The following LRP1B variants were observed in gnomAD, a reference collection of about 807,000 sequenced individuals.
LRP1B encodes LDL receptor related protein 1B, also known as low-density lipoprotein receptor-related protein 1B.
Under a neutral mutation model 556.6 loss-of-function variants are expected in LRP1B, and 217 were observed. That is an observed-to-expected ratio of 0.39 (90% CI 0.35 to 0.44). The LOEUF (loss-of-function observed/expected upper bound fraction) is 0.44. LRP1B is among the 20% of genes least tolerant of loss of function. The probability of loss-of-function intolerance (pLI) is 1.00; values close to 1 mark genes in which losing one functional copy is unlikely to be tolerated. For synonymous variants in LRP1B, 2,047 were observed against 1,865.8 expected, an observed-to-expected ratio of 1.10 and a Z score of -2.50; for missense variants, 5,053 against 5,620.8, an observed-to-expected ratio of 0.90 and a Z score of 3.23.
At chr2:140,709,426 G>A (rs1473596621) in intron 37 of LRP1B, among the ~76,000 whole-genome samples, 4 of 150,596 alleles carry the variant, frequency 2.7e-5, no homozygotes, top group African/African-American at 9.7e-5. Flanking sequence ...AGGCGGAAGA[G>A]GAGGAGGGGG....
chr2:141,773,688 GTTTAA>G (rs1694969893), intron 2 of LRP1B, among the ~76,000 whole-genome samples: 1 of 151,750 alleles, frequency 6.6e-6, no homozygotes. Context: ...GCCAGAGAGT[GTTTAA>G]TTGGAAGACT....
intron 57 of LRP1B, among the ~76,000 whole-genome samples, chr2:140,490,809 T>C (rs961646866): frequency 2.0e-5 from 3 of 152,086 alleles, no homozygotes; most frequent in Admixed American, 6.6e-5. Context: ...CCTTACTCAA[T>C]GGGCACCATT....
At chr2:142,124,662 AT>A (rs1707576182) in intron 1 of LRP1B, among the ~76,000 whole-genome samples, 1 of 151,854 alleles carries the variant, frequency 6.6e-6, no homozygotes. Flanking sequence ...CAGAATACTT[AT>A]TTATTTTCTA....
intron 39 of LRP1B, 100 bp from the exon 40 acceptor site, chr2:140,701,945 A>C: frequency 6.8e-7 from 1 of 1,465,324 alleles, no homozygotes; most frequent in Non-Finnish European, 9.4e-7. Flanking sequence ...CAGAAGGGAA[A>C]GAAACCAACT....
chr2:140,343,466 T>C (rs1045438867), intron 77 of LRP1B, among the ~76,000 whole-genome samples: 1 of 151,546 alleles, frequency 6.6e-6, no homozygotes, highest in African/African-American at 2.4e-5. Context: ...TTATTTGCAA[T>C]AACAAGACAA....
intron 23 of LRP1B, among the ~76,000 whole-genome samples, chr2:140,894,394 G>A (rs966549100): frequency 6.6e-6 from 1 of 152,100 alleles, no homozygotes. Context: ...CTGTGCTGTG[G>A]TGCAGATGCT....
intron 21 of LRP1B, among the ~76,000 whole-genome samples, chr2:140,921,882 C>G (rs11893327): frequency 0.49 from 74,180 of 150,960 alleles, 19,300 homozygotes; most frequent in Middle Eastern, 0.62. Context: ...CATCAGCCCC[C>G]GTGGCTTTCA....
intron 7 of LRP1B, among the ~76,000 whole-genome samples, chr2:141,172,478 A>G (rs905155313): frequency 2.6e-5 from 4 of 152,096 alleles, no homozygotes; most frequent in Non-Finnish European, 5.9e-5. Context: ...TTTACTCATA[A>G]TCTTACTGAC....
At chr2:141,939,591 C>T (rs975641132) in intron 1 of LRP1B, among the ~76,000 whole-genome samples, 1 of 151,906 alleles carries the variant, frequency 6.6e-6, no homozygotes, top group African/African-American at 2.4e-5. Context: ...TATACTAAAA[C>T]CAAAGTTAAT....
chr2:141,214,661 G>T (rs1682715356), intron 6 of LRP1B, among the ~76,000 whole-genome samples: 1 of 152,144 alleles, frequency 6.6e-6, no homozygotes, highest in Non-Finnish European at 1.5e-5. Flanking sequence ...TGGGTAGGAA[G>T]GTAGGGGAGA....
intron 3 of LRP1B, among the ~76,000 whole-genome samples, chr2:141,356,590 G>GTTTTTTTTTTTTTTTTTTTTT (rs1279270542): frequency 6.6e-6 from 1 of 151,496 alleles, no homozygotes; most frequent in Non-Finnish European, 1.5e-5. Flanking sequence ...TAACATGTAT[G>GTTTTTTTTTTTTTTTTTTTTT]TTTTTAAGAA....
At chr2:141,810,193 T>A in intron 2 of LRP1B, 86 bp downstream of exon 2, 1 of 1,187,138 alleles carries the variant, frequency 8.4e-7, no homozygotes. Context: ...AAGAATCATC[T>A]AGAACAGCAG....
chr2:141,313,424 T>C (rs1288658461), intron 3 of LRP1B, among the ~76,000 whole-genome samples: 1 of 152,174 alleles, frequency 6.6e-6, no homozygotes, highest in Non-Finnish European at 1.5e-5. Context: ...AAGCTTTTTA[T>C]GTGAGGGGTG....
chr2:140,739,927 A>G (rs1046201215), intron 35 of LRP1B, among the ~76,000 whole-genome samples: 1 of 152,196 alleles, frequency 6.6e-6, no homozygotes, highest in Non-Finnish European at 1.5e-5. Flanking sequence ...AAAAATGCTC[A>G]ACATCACTAA....
chr2:140,487,785 A>T (rs1688534531), intron 57 of LRP1B, 46 bp from the exon 58 acceptor site: 1 of 1,308,682 alleles, frequency 7.6e-7, no homozygotes, highest in African/African-American at 1.5e-5. Context: ...TCATAGAAAT[A>T]ATTATAAAAT....
chr2:140,361,018 C>T (rs889550159), intron 72 of LRP1B, among the ~76,000 whole-genome samples: 2 of 151,186 alleles, frequency 1.3e-5, no homozygotes, highest in African/African-American at 4.8e-5. Context: ...TCTAGCTCAT[C>T]GATGTAACTA....
At chr2:140,620,736 T>G (rs982077603) in intron 41 of LRP1B, among the ~76,000 whole-genome samples, 2 of 152,086 alleles carry the variant, frequency 1.3e-5, no homozygotes, top group Non-Finnish European at 2.9e-5. Flanking sequence ...TTACATGTTA[T>G]AAGTTATGAA....
At chr2:141,314,864 A>G (rs1686953486) in intron 3 of LRP1B, among the ~76,000 whole-genome samples, 1 of 143,018 alleles carries the variant, frequency 7.0e-6, no homozygotes, top group Admixed American at 7.1e-5. Context: ...ATACATATAT[A>G]TACATATATA....
intron 3 of LRP1B, among the ~76,000 whole-genome samples, chr2:141,292,230 A>G (rs1686000436): frequency 6.6e-6 from 1 of 152,048 alleles, no homozygotes; most frequent in Admixed American, 6.6e-5. Flanking sequence ...TCCTAAAACC[A>G]TCTCCCCCAT....
Sources: gnomAD v4.1 joint callset for allele counts (sites outside exome capture counted in the v4.1 genomes callset) on GRCh38, gnomAD v4.1.1 for gene constraint, MANE v1.5 for transcripts, NCBI Gene and HGNC (gene_info 2026-07-23, HGNC 2026-07-21) for gene names.